Variants in MAP7 observed in about 807,000 individuals in gnomAD.
The protein encoded by MAP7 is ensconsin.
MAP7 carries 52 observed loss-of-function variants against 94.8 expected under a neutral mutation model. The observed-to-expected ratio is 0.55, with a 90% CI of 0.44 to 0.69. The LOEUF (loss-of-function observed/expected upper bound fraction) is 0.69, where lower values mean the gene tolerates loss of function less well. Ranked by LOEUF, MAP7 falls within the 30% of genes least tolerant of loss-of-function variation. The probability of loss-of-function intolerance (pLI) is 0.00; values close to 1 mark genes in which losing one functional copy is unlikely to be tolerated. For synonymous variants in MAP7, 350 were observed against 357.0 expected, an observed-to-expected ratio of 0.98 and a Z score of 0.22; for missense variants, 940 against 964.6, an observed-to-expected ratio of 0.97 and a Z score of 0.34.
At chr6:136,485,807 C>T (rs1188322653) in intron 1 of MAP7, among the ~76,000 whole-genome samples, 2 of 152,060 alleles carry the variant, frequency 1.3e-5, no homozygotes, top group African/African-American at 4.8e-5. Flanking sequence ...CGTGATCCGC[C>T]CGCCTCGGCC....
At chr6:136,538,012 C>T (rs1003610549) in intron 1 of MAP7, among the ~76,000 whole-genome samples, 1 of 152,190 alleles carries the variant, frequency 6.6e-6, no homozygotes, top group Admixed American at 6.5e-5. Context: ...GAACTCCCGA[C>T]CTCGGGTGAT....
chr6:136,381,033 AT>A (rs1203787943), intron 6 of MAP7, among the ~76,000 whole-genome samples: 1 of 152,268 alleles, frequency 6.6e-6, no homozygotes, highest in Non-Finnish European at 1.5e-5. Context: ...ATAATGATGT[AT>A]ATACCTGCTT....
At chr6:136,412,140 C>T (rs1787684740) in intron 2 of MAP7, among the ~76,000 whole-genome samples, 1 of 152,142 alleles carries the variant, frequency 6.6e-6, no homozygotes, top group South Asian at 2.1e-4. Flanking sequence ...CCCCGTCACT[C>T]GCCGGCCAAG....
At position 136,362,682 on chromosome 6, in the gene MAP7, C is replaced by G. The variant is rs752279352; in HGVS notation, c.1294G>C (p.Ala432Pro). ...GCTGGAGCTGGGGCCGAGGCTGGAG[C>G]TGGGGCCATGGCTGGAGCAGCTGCA... ...VGPAAPAMAP[A>P]PASAPAPASA... The change falls in exon 11 of 18, where the codon GCT becomes CCT. Residue 432 changes from alanine (A) to proline (P), a missense_variant. Ala to Pro is a conservative substitution (Grantham distance 27). Transcript: ENST00000354570. The G allele has an allele frequency of 4.4e-6, 7 of 1,602,832 alleles. No homozygotes were observed. Among genetic ancestry groups the G allele is most frequent in the Admixed American group, 3.4e-5 (2 of 58,662 alleles).
intron 6 of MAP7, among the ~76,000 whole-genome samples, chr6:136,380,018 TGTTA>T (rs1157093140): frequency 5.3e-5 from 8 of 152,242 alleles, no homozygotes; most frequent in East Asian, 3.8e-4. Context: ...TTTTTTGTTT[TGTTA>T]GTTTGTTTTT....
rs752952554 is a variant in MAP7, at chr6:136,356,814, C to A, written c.1913-20G>T. 6.3e-7 allele frequency: 1 copy of A among 1,581,320 alleles called. No individual in the cohort carries two copies. The highest frequency in any genetic ancestry group is 1.3e-5 in the African/African-American group (1 of 74,326). Reference sequence around the variant, plus strand: ...ACACCTCTGGGCATAGTAAAGGAGACAGAACACAGGGTTACTAATATTCTT... The same window carrying A: ...ACACCTCTGGGCATAGTAAAGGAGAAAGAACACAGGGTTACTAATATTCTT... On this transcript the variant is annotated intron_variant, in intron 15 of 17. Coordinates refer to ENST00000354570, the MANE Select transcript of MAP7 (RefSeq NM_003980.6).
chr6:136,485,297 T>C (rs1337448698), intron 1 of MAP7, among the ~76,000 whole-genome samples: 1 of 152,236 alleles, frequency 6.6e-6, no homozygotes, highest in Non-Finnish European at 1.5e-5. Flanking sequence ...GGATACACTT[T>C]ACAAATGTCA....
intron 1 of MAP7, among the ~76,000 whole-genome samples, chr6:136,445,918 T>C (rs1428486972): frequency 1.3e-5 from 2 of 152,244 alleles, no homozygotes; most frequent in Non-Finnish European, 2.9e-5. Context: ...ACACTTACTG[T>C]GACCTCTAGT....
chr6:136,388,379 T>A lies in MAP7; in HGVS notation c.526+14A>T. 2 of 1,570,850 alleles carry A rather than the reference T, an allele frequency of 1.3e-6. No individual in the cohort carries two copies. Among genetic ancestry groups the A allele is most frequent in the Non-Finnish European group, 1.7e-6 (2 of 1,146,262 alleles). On this transcript the variant is annotated intron_variant, in intron 5 of 17. Coordinates refer to ENST00000354570, the MANE Select transcript of MAP7 (RefSeq NM_003980.6). ...GGAAAATAAAGACTAATTTTCAAAGTGGTCACTGTTTACCTGCACTGTGGA... is the reference window on the plus strand; with the variant it reads ...GGAAAATAAAGACTAATTTTCAAAGAGGTCACTGTTTACCTGCACTGTGGA...
chr6:136,404,382 G>A (rs369804556), intron 3 of MAP7, among the ~76,000 whole-genome samples: 4 of 148,890 alleles, frequency 2.7e-5, no homozygotes, highest in South Asian at 2.1e-4. Flanking sequence ...AAGGAAGCCC[G>A]ATGAAATTAT....
Position 136,480,681 on chromosome 6 carries a change from G to A in MAP7, c.68-58882C>T, listed in dbSNP as rs548723277. 5.3e-4 allele frequency among the ~76,000 whole-genome samples: 73 copies of A among 137,314 alleles called. 1 individual carries two copies. The highest frequency in any genetic ancestry group is 1.5e-3 in the African/African-American group (56 of 37,068). The allele number at this position is 137,314 out of a possible 152,430, so 90.1% of individuals were successfully genotyped here. ...AAAAAAAAAAAAAAGAAAAGAAAAC[G>A]TTGGGGAAACTCCCCAGAATATTGG... On this transcript the variant is annotated intron_variant, in intron 1 of 17. Transcript: ENST00000354570.
chr6:136,546,048 T>G lies in MAP7; in HGVS notation c.67+4294A>C, dbSNP rs896439388. Among the ~76,000 whole-genome samples the G allele has an allele frequency of 1.2e-4, 18 of 152,352 alleles. No homozygotes were observed. In the Middle Eastern group the frequency reaches 0.01, roughly 86 times the overall value. ...TGTTTTTTGAGACATGGTCTCGCTC[T>G]GTCACCCAGGCTGGAGTGCAGTGGT... On this transcript the variant is annotated intron_variant, in intron 1 of 17. Coordinates refer to ENST00000354570, the MANE Select transcript of MAP7 (RefSeq NM_003980.6).
At chr6:136,419,314 G>A (rs923265204) in intron 2 of MAP7, among the ~76,000 whole-genome samples, 1 of 152,182 alleles carries the variant, frequency 6.6e-6, no homozygotes, top group African/African-American at 2.4e-5. Context: ...AAGAATGGTA[G>A]AAATTAGAAG....
chr6:136,483,129 C>CAAAAAAA (rs57320038), intron 1 of MAP7, among the ~76,000 whole-genome samples: 1 of 83,134 alleles, frequency 1.2e-5, no homozygotes, highest in Admixed American at 1.2e-4. Context: ...AAGTATCTTT[C>CAAAAAAA]AAAAAAAAAA....
intron 1 of MAP7, chr6:136,545,054 G>A (rs1283442905): frequency 1.3e-5 from 2 of 152,198 alleles, no homozygotes; most frequent in African/African-American, 2.4e-5. Context: ...TTTGACACAT[G>A]CCCCTGCAGA....
chr6:136,422,540 G>A (rs1453114344), intron 1 of MAP7, among the ~76,000 whole-genome samples: 2 of 151,974 alleles, frequency 1.3e-5, no homozygotes, highest in South Asian at 2.1e-4. Flanking sequence ...CTTCATTATC[G>A]TCTGCATGTT....
intron 1 of MAP7, among the ~76,000 whole-genome samples, chr6:136,501,088 AAAAT>A (rs1296091174): frequency 3.9e-5 from 6 of 152,230 alleles, no homozygotes; most frequent in African/African-American, 1.4e-4. Context: ...TGAGAAAAGA[AAAAT>A]AAAGAATAAT....
chr6:136,371,172 A>T (rs1179499850), intron 8 of MAP7, among the ~76,000 whole-genome samples: 1 of 152,204 alleles, frequency 6.6e-6, no homozygotes, highest in Non-Finnish European at 1.5e-5. Context: ...GGATCATGTG[A>T]TGACAAATCT....
At position 136,416,742 on chromosome 6, in the gene MAP7, G is replaced by C. The variant is rs146963736; in HGVS notation, c.166+4959C>G. 9.6e-3 allele frequency among the ~76,000 whole-genome samples: 1,460 copies of C among 151,842 alleles called. 33 individuals carry two copies. Among genetic ancestry groups the C allele is most frequent in the African/African-American group, 0.033 (1,384 of 41,370 alleles). ...AATCGCTTGAACCTGGGAGGCGGAG[G>C]TTGCACTGAGCCAAGATCGCACCAC... On this transcript the variant is annotated intron_variant, in intron 2 of 17. Transcript: ENST00000354570.
Sources: allele counts gnomAD v4.1 joint callset (sites outside exome capture counted in the v4.1 genomes callset), GRCh38; gene constraint gnomAD v4.1.1; transcripts MANE v1.5; gene names NCBI Gene and HGNC (gene_info 2026-07-23, HGNC 2026-07-21).